ARHGAP15: variants seen among roughly 807,000 people sequenced by gnomAD.
ARHGAP15 encodes Rho GTPase activating protein 15, also known as rho GTPase-activating protein 15.
ARHGAP15 carries 51 observed loss-of-function variants against 63.7 expected under a neutral mutation model. The ratio of observed to expected loss-of-function variants is 0.80; its 90% CI spans 0.64 to 1.01. ARHGAP15 has a LOEUF of 1.01. ARHGAP15 is among the 50% of genes least tolerant of loss of function. The pLI, the probability that ARHGAP15 is intolerant of heterozygous loss-of-function variation, is 0.00. For missense variants in ARHGAP15, 560 were observed against 564.6 expected, an observed-to-expected ratio of 0.99 and a Z score of 0.08; for synonymous variants, 191 against 193.8, an observed-to-expected ratio of 0.99 and a Z score of 0.12.
rs1386849324 is a variant in ARHGAP15, at chr2:143,606,051, AAAAAAAAAAAAAAAAAAAAG to A, written c.1004-18081_1004-18062del. On this transcript the variant is annotated intron_variant, in intron 11 of 13. Coordinates refer to ENST00000295095, the MANE Select transcript of ARHGAP15 (RefSeq NM_018460.4). ...ACTCTGTCTCAAAAAAAAAAAAAAA[AAAAAAAAAAAAAAAAAAAAG>A]CCATACATCTGTCTCTTTCGCTACC... is the stretch of plus-strand genomic sequence containing the variant. Among the ~76,000 whole-genome samples, 136 of 133,680 alleles carry A rather than the reference AAAAAAAAAAAAAAAAAAAAG, an allele frequency of 1.0e-3. 1 individual carries two copies. The highest frequency in any genetic ancestry group is 3.3e-3 in the South Asian group (13 of 3,946). The allele number at this position is 133,680 out of a possible 152,430, so 87.7% of individuals were successfully genotyped here.
chr2:143,685,090 T>C (rs1318323871), intron 12 of ARHGAP15, among the ~76,000 whole-genome samples: 1 of 152,212 alleles, frequency 6.6e-6, no homozygotes, highest in Non-Finnish European at 1.5e-5. Flanking sequence ...CCTGTTTCTG[T>C]TGTTGACAGA....
intron 6 of ARHGAP15, among the ~76,000 whole-genome samples, chr2:143,272,034 G>A (rs1681313068): frequency 6.6e-6 from 1 of 152,180 alleles, no homozygotes; most frequent in Non-Finnish European, 1.5e-5. Context: ...ACTATGCCTT[G>A]TGTTCTTTTA....
chr2:143,307,387 A>G (rs1311979780), intron 6 of ARHGAP15, among the ~76,000 whole-genome samples: 1 of 152,166 alleles, frequency 6.6e-6, no homozygotes, highest in Non-Finnish European at 1.5e-5. Context: ...TTTGGATACC[A>G]TATTAGAATT....
At chr2:143,526,050 T>A (rs1694259262) in intron 10 of ARHGAP15, among the ~76,000 whole-genome samples, 1 of 152,140 alleles carries the variant, frequency 6.6e-6, no homozygotes, top group Admixed American at 6.6e-5. Flanking sequence ...AGAAAATGCT[T>A]GAAACTTAAA....
At chr2:143,648,220 C>T (rs774985891) in intron 12 of ARHGAP15, among the ~76,000 whole-genome samples, 2 of 152,048 alleles carry the variant, frequency 1.3e-5, no homozygotes, top group Non-Finnish European at 2.9e-5. Context: ...CTTTAGCCTT[C>T]TTGTATGCAT....
intron 6 of ARHGAP15, among the ~76,000 whole-genome samples, chr2:143,418,377 TAA>T (rs1219055464): frequency 6.6e-6 from 1 of 152,178 alleles, no homozygotes; most frequent in Non-Finnish European, 1.5e-5. Context: ...TACCTAAGGC[TAA>T]GTGTAAATAT....
At chr2:143,548,793 T>C (rs1695436380) in intron 10 of ARHGAP15, among the ~76,000 whole-genome samples, 1 of 149,632 alleles carries the variant, frequency 6.7e-6, no homozygotes, top group South Asian at 2.1e-4. Flanking sequence ...AAAAACTTGT[T>C]GCAATAATTG....
At chr2:143,558,914 AT>A (rs1245511530) in intron 11 of ARHGAP15, among the ~76,000 whole-genome samples, 1 of 152,138 alleles carries the variant, frequency 6.6e-6, no homozygotes, top group Non-Finnish European at 1.5e-5. Flanking sequence ...TTGTTCACTA[AT>A]GCAATTCTTT....
chr2:143,546,343 A>C (rs1323562893), intron 10 of ARHGAP15, among the ~76,000 whole-genome samples: 1 of 152,186 alleles, frequency 6.6e-6, no homozygotes, highest in Non-Finnish European at 1.5e-5. Flanking sequence ...GCTACACTTT[A>C]TATAACTCTT....
chr2:143,684,027 T>A (rs1194872950), intron 12 of ARHGAP15, among the ~76,000 whole-genome samples: 1 of 152,024 alleles, frequency 6.6e-6, no homozygotes, highest in Non-Finnish European at 1.5e-5. Context: ...TAAAAAAAAA[T>A]TCCAGTGTCT....
intron 6 of ARHGAP15, among the ~76,000 whole-genome samples, chr2:143,290,590 A>G (rs902748590): frequency 6.6e-6 from 1 of 152,228 alleles, no homozygotes; most frequent in African/African-American, 2.4e-5. Context: ...AACATTACAC[A>G]TGACGTGGCA....
At chr2:143,649,450 C>T (rs1401773631) in intron 12 of ARHGAP15, among the ~76,000 whole-genome samples, 3 of 151,922 alleles carry the variant, frequency 2.0e-5, no homozygotes, top group East Asian at 3.9e-4. Flanking sequence ...CCATTATAAA[C>T]ATTTTTTTTA....
chr2:143,231,527 C>T (rs1210305245), intron 5 of ARHGAP15, among the ~76,000 whole-genome samples: 2 of 152,274 alleles, frequency 1.3e-5, no homozygotes, highest in African/African-American at 4.8e-5. Context: ...TACAAAGTTT[C>T]CCGGTGCCCC....
intron 6 of ARHGAP15, among the ~76,000 whole-genome samples, chr2:143,376,063 G>T (rs1226764766): frequency 6.6e-6 from 1 of 152,164 alleles, no homozygotes; most frequent in African/African-American, 2.4e-5. Context: ...TTTCCCATTG[G>T]TTGCAATCAG....
rs986484231 is a variant in ARHGAP15, at chr2:143,682,278, G to A, written c.1139-21141G>A. ...CCGCTTCTATGAAAATTAAACTAACGCTGTAACCTTAGCAAATAAGGAGAT... is the reference window on the plus strand; with the variant it reads ...CCGCTTCTATGAAAATTAAACTAACACTGTAACCTTAGCAAATAAGGAGAT... On this transcript the variant is annotated intron_variant, in intron 12 of 13. Coordinates refer to ENST00000295095, the MANE Select transcript of ARHGAP15 (RefSeq NM_018460.4). 5.4e-5 allele frequency among the ~76,000 whole-genome samples: 8 copies of A among 149,220 alleles called. No individual in the cohort carries two copies. The East Asian group carries it at 1.4e-3, about 26-fold the overall frequency.
chr2:143,762,895 A>T lies in ARHGAP15; in HGVS notation c.1245-5094A>T, dbSNP rs183379039. 3.3e-5 allele frequency among the ~76,000 whole-genome samples: 5 copies of T among 152,288 alleles called. No individual in the cohort carries two copies. In the East Asian group the frequency reaches 9.6e-4, roughly 29 times the overall value. On this transcript the variant is annotated intron_variant, in intron 13 of 13. Transcript: ENST00000295095. ...AAGATATTGCCAAATCCATGGTAAA[A>T]ATGTATATGGTTTCTGGATCAGATC...
chr2:143,229,070 G>A (rs1228683500), intron 5 of ARHGAP15, among the ~76,000 whole-genome samples: 1 of 152,050 alleles, frequency 6.6e-6, no homozygotes, highest in Non-Finnish European at 1.5e-5. Context: ...ACTATGGGAA[G>A]CTGTTTTAAA....
Position 143,548,733 on chromosome 2 carries a change from A to G in ARHGAP15, c.926-7675A>G, listed in dbSNP as rs562550379. Among the ~76,000 whole-genome samples, 12 of 152,244 alleles carry G rather than the reference A, an allele frequency of 7.9e-5. No homozygotes were observed. The South Asian group carries it at 2.5e-3, about 32-fold the overall frequency. ...AGATAATGATGATAACCAAAAGCAA[A>G]CAAAATAATAAAGGAAAAATTGAAG... On this transcript the variant is annotated intron_variant, in intron 10 of 13. Coordinates refer to ENST00000295095, the MANE Select transcript of ARHGAP15 (RefSeq NM_018460.4).
At chr2:143,341,413 G>A (rs931306390) in intron 6 of ARHGAP15, among the ~76,000 whole-genome samples, 14 of 152,060 alleles carry the variant, frequency 9.2e-5, no homozygotes, top group African/African-American at 3.4e-4. Flanking sequence ...GAAGTTTCTG[G>A]CAATGTGTGA....
Sources: allele counts gnomAD v4.1 joint callset (sites outside exome capture counted in the v4.1 genomes callset), GRCh38; gene constraint gnomAD v4.1.1; transcripts MANE v1.5; gene names NCBI Gene and HGNC (gene_info 2026-07-23, HGNC 2026-07-21).